Variants in ZNF107 observed in about 807,000 individuals in gnomAD.
ZNF107 encodes the protein zinc finger protein 107, also known as C2H2 type zinc-finger protein.
In ZNF107, 19 loss-of-function variants were observed where a neutral mutation model predicts 12.3. The observed-to-expected ratio is 1.55, with a 90% CI of 1.08 to 2.27. The LOEUF (loss-of-function observed/expected upper bound fraction) is 2.27. Among genes scored for constraint, ZNF107 ranks in the 30% most tolerant of loss-of-function variants. The pLI is 0.00. For synonymous variants in ZNF107, 317 were observed against 330.5 expected (o/e 0.96, Z 0.44); for missense variants, 958 against 979.9 (o/e 0.98, Z 0.30).
At chr7:64,696,521 AT>A (rs1191361909) in intron 3 of ZNF107, among the ~76,000 whole-genome samples, 2 of 152,166 alleles carry the variant, frequency 1.3e-5, no homozygotes, top group Admixed American at 1.3e-4. Flanking sequence ...TCTCAAAAAA[AT>A]ATACTGTTCA....
intron 1 of ZNF107, chr7:64,690,617 C>T: frequency 1.2e-6 from 1 of 826,092 alleles, no homozygotes; most frequent in Non-Finnish European, 1.5e-6. Context: ...TCTATTCCTG[C>T]AGATCCAGTA....
At position 64,707,233 on chromosome 7, in the gene ZNF107, A is replaced by G. The variant is rs1268127427; in HGVS notation, c.1136A>G (p.Asn379Ser). The change falls in exon 4 of 4, where the codon AAC (asparagine) becomes AGC (serine). Residue 379 changes from asparagine (N) to serine (S), a missense_variant. Transcript: ENST00000620827. ...TGTGAAGAATGTGACAAAGCTTTTA[A>G]CCGATCCTTAAAACTTACTGCACAT... ...NKCEECDKAF[N>S]RSLKLTAHKK... The G allele has an allele frequency of 8.7e-6, 14 of 1,613,248 alleles. No individual in the cohort carries two copies. Among genetic ancestry groups the G allele is most frequent in the Non-Finnish European group, 1.1e-5 (13 of 1,179,712 alleles).
intron 3 of ZNF107, among the ~76,000 whole-genome samples, chr7:64,696,871 G>A (rs1047531988): frequency 6.6e-6 from 1 of 151,722 alleles, no homozygotes; most frequent in African/African-American, 2.4e-5. Context: ...ACAACATGCA[G>A]GTTTGTTACA....
At chr7:64,677,014 C>T (rs2128957356) in intron 1 of ZNF107, among the ~76,000 whole-genome samples, 1 of 152,230 alleles carries the variant, frequency 6.6e-6, no homozygotes, top group East Asian at 1.9e-4. Flanking sequence ...TGTATACTTA[C>T]CAACATCCCA....
intron 1 of ZNF107, among the ~76,000 whole-genome samples, chr7:64,688,425 T>A (rs1211852856): frequency 6.6e-6 from 1 of 151,998 alleles, no homozygotes; most frequent in Non-Finnish European, 1.5e-5. Context: ...TACAGCTAAT[T>A]TTTGTATGTT....
intron 1 of ZNF107, chr7:64,686,609 A>G: frequency 1.0e-6 from 1 of 985,462 alleles, no homozygotes. Context: ...GCCATTATTG[A>G]CGGTGGGCCA....
intron 1 of ZNF107, chr7:64,686,592 C>A: frequency 1.0e-6 from 1 of 985,408 alleles, no homozygotes; most frequent in Non-Finnish European, 1.2e-6. Context: ...TGCATTATTG[C>A]CAGCAGGCCA....
rs141526138 is a variant in ZNF107 at position 64,694,385 on chromosome 7, AC to A, written c.226+2428del. Among the ~76,000 whole-genome samples, 1,324 of 152,172 alleles carry A rather than the reference AC, an allele frequency of 8.7e-3. 29 individuals carry two copies. Among genetic ancestry groups the A allele is most frequent in the African/African-American group, 0.028 (1,145 of 41,500 alleles). ...CTTGTAGTTTGCCTCCTGAATAAGG[AC>A]CCGCCTTCTGAAAAGGAACACTTCT... On this transcript the variant is annotated intron_variant, in intron 3 of 3. Transcript: ENST00000620827.
chr7:64,697,980 G>C (rs1487680007), intron 3 of ZNF107, among the ~76,000 whole-genome samples: 3 of 151,856 alleles, frequency 2.0e-5, no homozygotes, highest in African/African-American at 7.3e-5. Context: ...GCGCCCGGCC[G>C]GTAAAACATA....
At chr7:64,687,057 A>T in intron 1 of ZNF107, 1 of 985,356 alleles carries the variant, frequency 1.0e-6, no homozygotes, top group Non-Finnish European at 1.2e-6. Flanking sequence ...TTTCTGGCTG[A>T]CTTGTTCAAT....
At chr7:64,686,652 A>G in intron 1 of ZNF107, 3 of 985,158 alleles carry the variant, frequency 3.0e-6, no homozygotes, top group Non-Finnish European at 2.4e-6. Flanking sequence ...ATATGCCTCC[A>G]GACTTCCTGG....
intron 3 of ZNF107, among the ~76,000 whole-genome samples, chr7:64,699,103 A>C (rs895583536): frequency 4.6e-5 from 7 of 151,976 alleles, no homozygotes; most frequent in African/African-American, 1.7e-4. Context: ...GAAATCAGGA[A>C]GTATAATGCC....
chr7:64,667,791 T>A (rs1266610549), intron 1 of ZNF107, among the ~76,000 whole-genome samples: 1 of 152,172 alleles, frequency 6.6e-6, no homozygotes, highest in Admixed American at 6.5e-5. Flanking sequence ...GCTAACCCTT[T>A]GAGGCATTAA....
In ZNF107 at chr7:64,683,707, CA is replaced by C. The variant is rs1291451970; in HGVS notation, c.4-7539del. On this transcript the variant is annotated intron_variant, in intron 1 of 3. Transcript: ENST00000620827. ...CTCATCATGGAAGTCCGTCCTTAAA[CA>C]ATCACTTCTTAATGTTCTGTCTGCC... Among the ~76,000 whole-genome samples the C allele has an allele frequency of 3.3e-5, 5 of 152,254 alleles. No individual in the cohort carries two copies. The East Asian group carries it at 9.7e-4, about 30-fold the overall frequency.
chr7:64,709,728 TATC>T lies in ZNF107; in HGVS notation c.*1073_*1075del, dbSNP rs936467045. The T allele has an allele frequency of 4.4e-6, 2 of 455,820 alleles. No individual in the cohort carries two copies. Among genetic ancestry groups the T allele is most frequent in the African/African-American group, 2.0e-5 (1 of 50,080 alleles). 28.2% of individuals were successfully genotyped at this position (455,820 alleles called of 1,614,324 possible). A position where few individuals can be genotyped will look rare whatever the true frequency, so the allele number is the denominator to read the frequency against. ...ACAAGGAATGTGGAAAAGCCATTATTATCTGCTCAGATTTTACTCAACATTAGA... is the reference window on the plus strand; with the variant it reads ...ACAAGGAATGTGGAAAAGCCATTATTTGCTCAGATTTTACTCAACATTAGA... On this transcript the variant is annotated 3_prime_UTR_variant, in exon 4 of 4. Coordinates refer to ENST00000620827, the MANE Select transcript of ZNF107 (RefSeq NM_001282359.2).
chr7:64,691,629 A>T (rs1274729433), intron 2 of ZNF107, among the ~76,000 whole-genome samples: 2 of 152,182 alleles, frequency 1.3e-5, no homozygotes, highest in African/African-American at 4.8e-5. Context: ...ATTTAGTGGC[A>T]TGAAATATTG....
intron 1 of ZNF107, chr7:64,687,719 G>A (rs1230943228): frequency 6.6e-6 from 2 of 301,148 alleles, no homozygotes; most frequent in Non-Finnish European, 9.8e-6. Context: ...TCTACTTGTG[G>A]ACTAATTATT....
chr7:64,666,358 T>G (rs1280648841), intron 1 of ZNF107, 73 bp downstream of exon 1: 3 of 1,572,284 alleles, frequency 1.9e-6, no homozygotes, highest in Middle Eastern at 1.7e-4. Context: ...TGGCTGTGGC[T>G]GGACTCGGGC....
chr7:64,686,518 A>G (rs1789918478), intron 1 of ZNF107: 3 of 984,928 alleles, frequency 3.0e-6, no homozygotes, highest in South Asian at 9.4e-5. Context: ...GAGAAACATC[A>G]CCCCGTCCAC....
Sources: gnomAD v4.1 joint callset for allele counts (sites outside exome capture counted in the v4.1 genomes callset) on GRCh38, gnomAD v4.1.1 for gene constraint, MANE v1.5 for transcripts, NCBI Gene and HGNC (gene_info 2026-07-23, HGNC 2026-07-21) for gene names.